The following ZMIZ1 variants were observed in gnomAD, a reference collection of about 807,000 sequenced individuals.
The protein encoded by ZMIZ1 is zinc finger MIZ-type containing 1, also known as zinc finger MIZ domain-containing protein 1.
A neutral mutation model predicts 113.9 loss-of-function variants in ZMIZ1; 17 were observed. The ratio of observed to expected loss-of-function variants is 0.15; its 90% CI spans 0.10 to 0.22. The LOEUF is 0.22. Ranked by LOEUF, ZMIZ1 falls within the 10% of genes least tolerant of loss-of-function variation. The pLI is 1.00. For synonymous variants in ZMIZ1, 607 were observed against 603.1 expected (o/e 1.01, Z -0.09); for missense variants, 1,059 against 1,477.8 (o/e 0.72, Z 4.65).
intron 3 of ZMIZ1, among the ~76,000 whole-genome samples, chr10:79,144,948 C>T (rs911077034): frequency 1.3e-5 from 2 of 152,000 alleles, no homozygotes; most frequent in African/African-American, 4.8e-5. Context: ...TCATCCACTT[C>T]GGCTTCTTGG....
chr10:79,207,193 T>G (rs563375192), intron 5 of ZMIZ1, among the ~76,000 whole-genome samples: 1 of 152,278 alleles, frequency 6.6e-6, no homozygotes, highest in East Asian at 1.9e-4. Flanking sequence ...GCAGGTCGAA[T>G]GGAGGGACTG....
intron 4 of ZMIZ1, among the ~76,000 whole-genome samples, chr10:79,177,505 G>A (rs917852266): frequency 6.6e-6 from 1 of 152,208 alleles, no homozygotes; most frequent in African/African-American, 2.4e-5. Flanking sequence ...AGGTGAGAAG[G>A]GCCGGGGGAG....
At chr10:79,179,132 T>TA (rs1357583976) in intron 4 of ZMIZ1, among the ~76,000 whole-genome samples, 1 of 152,232 alleles carries the variant, frequency 6.6e-6, no homozygotes, top group Non-Finnish European at 1.5e-5. Flanking sequence ...TGCTAGCACA[T>TA]AAAACACTTA....
chr10:79,080,600 C>T (rs1389169481), intron 1 of ZMIZ1, among the ~76,000 whole-genome samples: 2 of 152,246 alleles, frequency 1.3e-5, no homozygotes, highest in East Asian at 1.9e-4. Flanking sequence ...TGAGTCACTG[C>T]GCCGGGCCTC....
At chr10:79,127,484 C>G (rs1844569770) in intron 2 of ZMIZ1, among the ~76,000 whole-genome samples, 2 of 151,976 alleles carry the variant, frequency 1.3e-5, no homozygotes, top group African/African-American at 4.8e-5. Context: ...ATAAAGCAGC[C>G]ACCCCACAGC....
intron 16 of ZMIZ1, 32 bp downstream of exon 16, chr10:79,299,223 C>T (rs754145548): frequency 1.8e-5 from 28 of 1,582,122 alleles, no homozygotes; most frequent in African/African-American, 8.0e-5. Flanking sequence ...CCAGCCCAGG[C>T]GGGATGAAGG....
intron 1 of ZMIZ1, among the ~76,000 whole-genome samples, chr10:79,076,235 C>T (rs747244535): frequency 5.3e-5 from 8 of 152,180 alleles, no homozygotes; most frequent in South Asian, 2.1e-4. Flanking sequence ...ACCCCATCTC[C>T]GCCAGTCCAT....
chr10:79,256,144 C>T (rs111359587), intron 7 of ZMIZ1, among the ~76,000 whole-genome samples: 13 of 152,286 alleles, frequency 8.5e-5, no homozygotes, highest in South Asian at 2.1e-4. Flanking sequence ...GCTCCCTGCC[C>T]GTCTTGGCAC....
chr10:79,182,753 G>A (rs1199562578), intron 4 of ZMIZ1, among the ~76,000 whole-genome samples: 1 of 152,230 alleles, frequency 6.6e-6, no homozygotes, highest in Non-Finnish European at 1.5e-5. Flanking sequence ...TTCCGAGGCC[G>A]AGCCCAGTCA....
chr10:79,109,022 C>T (rs1222501966), intron 1 of ZMIZ1, among the ~76,000 whole-genome samples: 8 of 152,178 alleles, frequency 5.3e-5, no homozygotes, highest in Admixed American at 1.3e-4. Flanking sequence ...TAGCCCAGCA[C>T]GCAGGTGTGT....
At chr10:79,173,439 C>T (rs1846689197) in intron 4 of ZMIZ1, among the ~76,000 whole-genome samples, 1 of 152,042 alleles carries the variant, frequency 6.6e-6, no homozygotes, top group African/African-American at 2.4e-5. Flanking sequence ...CCAAAGGGTC[C>T]AAGGGCAGCC....
chr10:79,313,735 C>G lies in ZMIZ1; in HGVS notation c.*986C>G. ...AGGAACGTTGCTCTTGGACAGCAAG[C>G]AAACCATTTCTCTCCGTCTGTTCTG... On this transcript the variant is annotated 3_prime_UTR_variant, in exon 25 of 25. Coordinates refer to ENST00000334512, the MANE Select transcript of ZMIZ1 (RefSeq NM_020338.4). 3.3e-6 allele frequency: 1 copy of G among 301,936 alleles called. No homozygotes were observed. The highest frequency in any genetic ancestry group is 2.9e-5 in the South Asian group (1 of 34,226). 18.7% of individuals were successfully genotyped at this position (301,936 alleles called of 1,614,324 possible). A position where few individuals can be genotyped will look rare whatever the true frequency, so the allele number is the denominator to read the frequency against.
chr10:79,296,403 A>C lies in ZMIZ1; in HGVS notation c.1231-68A>C. 1 of 1,560,790 alleles carries C rather than the reference A, an allele frequency of 6.4e-7. No individual in the cohort carries two copies. The highest frequency in any genetic ancestry group is 1.1e-5 in the South Asian group (1 of 87,460). ...AGAGGCGGGCCCCATCCCGTTGTTC[A>C]GGTGACCTGGCTATGTGACGTTGGC... is the stretch of plus-strand genomic sequence containing the variant. On this transcript the variant is annotated intron_variant, in intron 12 of 24. Transcript: ENST00000334512. This position sits in a 1 kb window ranked among gnomAD's most constrained non-coding sequence, Gnocchi z 4.1.
At chr10:79,255,763 G>A (rs1001859333) in intron 7 of ZMIZ1, among the ~76,000 whole-genome samples, 3 of 151,940 alleles carry the variant, frequency 2.0e-5, no homozygotes, top group Non-Finnish European at 4.4e-5. Context: ...GAAATAAACC[G>A]TCCCTCCCCA....
intron 17 of ZMIZ1, 141 bp from the exon 18 acceptor site, chr10:79,301,966 C>G: frequency 1.4e-6 from 1 of 733,970 alleles, no homozygotes; most frequent in Non-Finnish European, 2.3e-6. Flanking sequence ...TGCTCAGGCT[C>G]GCAAGTCCCA....
chr10:79,107,612 A>G (rs1421159664), intron 1 of ZMIZ1, among the ~76,000 whole-genome samples: 1 of 152,136 alleles, frequency 6.6e-6, no homozygotes, highest in Non-Finnish European at 1.5e-5. Context: ...GGGCGGTGGG[A>G]GGAGGGACCG....
At chr10:79,200,160 A>G (rs1848013360) in intron 4 of ZMIZ1, among the ~76,000 whole-genome samples, 1 of 152,214 alleles carries the variant, frequency 6.6e-6, no homozygotes, top group Non-Finnish European at 1.5e-5. Context: ...GGAGTGCGAC[A>G]GAGTAGCAGG....
At chr10:79,164,027 A>G (rs1008818074) in intron 4 of ZMIZ1, among the ~76,000 whole-genome samples, 2 of 152,144 alleles carry the variant, frequency 1.3e-5, no homozygotes, top group African/African-American at 4.8e-5. Context: ...TGATTCTTTG[A>G]AAAAGAAAAA....
intron 1 of ZMIZ1, among the ~76,000 whole-genome samples, chr10:79,070,794 T>C (rs1337984): frequency 0.25 from 38,156 of 151,656 alleles, 6,573 homozygotes; most frequent in African/African-American, 0.49. Flanking sequence ...GCTTCCTGGG[T>C]AGGCAGTGCC....
Sources: gnomAD v4.1 joint callset for allele counts (sites outside exome capture counted in the v4.1 genomes callset) on GRCh38, gnomAD v4.1.1 for gene constraint, Gnocchi (gnomAD v3.1) non-coding constraint, MANE v1.5 for transcripts, NCBI Gene and HGNC (gene_info 2026-07-23, HGNC 2026-07-21) for gene names.